The following GABRB3 variants were observed in gnomAD, a reference collection of about 807,000 sequenced individuals.
GABRB3 encodes gamma-aminobutyric acid receptor subunit beta-3.
In GABRB3, 14 loss-of-function variants were observed where a neutral mutation model predicts 52.1. That is an observed-to-expected ratio of 0.27 (90% CI 0.18 to 0.42). GABRB3 has a LOEUF of 0.42. Among genes scored for constraint, GABRB3 ranks in the 10% least tolerant of loss-of-function variants. The probability of loss-of-function intolerance (pLI) is 1.00; values close to 1 mark genes in which losing one functional copy is unlikely to be tolerated. For synonymous variants in GABRB3, 260 were observed against 232.3 expected, an observed-to-expected ratio of 1.12 and a Z score of -1.08; for missense variants, 307 against 609.1, an observed-to-expected ratio of 0.50 and a Z score of 5.22.
chr15:26,625,949 C>T (rs1892674559), intron 3 of GABRB3, among the ~76,000 whole-genome samples: 3 of 152,316 alleles, frequency 2.0e-5, no homozygotes, highest in East Asian at 1.9e-4. Flanking sequence ...ATTAGATACA[C>T]GCCTGCCTTA....
chr15:26,548,996 G>C (rs1263715506), intron 8 of GABRB3, among the ~76,000 whole-genome samples: 1 of 152,020 alleles, frequency 6.6e-6, no homozygotes, highest in Non-Finnish European at 1.5e-5. Flanking sequence ...CAGTCCCCTG[G>C]GCTTTCACTC....
At chr15:26,767,196 G>A (rs997823297) in intron 3 of GABRB3, 10 of 152,084 alleles carry the variant, frequency 6.6e-5, no homozygotes, top group Non-Finnish European at 2.9e-5. Context: ...CACACACCCT[G>A]GACCTTACCC....
chr15:26,625,613 AC>A lies in GABRB3; in HGVS notation c.241-4080del, dbSNP rs2140547386. On this transcript the variant is annotated intron_variant, in intron 3 of 8. Transcript: ENST00000311550. Reference sequence around the variant, plus strand: ...TAGCAGAGGGGACACTGGATTCCTCACAGAACATGAAATGGAAATTAAGCCT... The same window carrying A: ...TAGCAGAGGGGACACTGGATTCCTCAAGAACATGAAATGGAAATTAAGCCT... 3.6e-5 allele frequency: 9 copies of A among 252,620 alleles called. 1 individual carries two copies. Among genetic ancestry groups the A allele is most frequent in the Non-Finnish European group, 5.6e-5 (9 of 160,670 alleles). 15.6% of individuals were successfully genotyped at this position (252,620 alleles called of 1,614,324 possible). A position where few individuals can be genotyped will look rare whatever the true frequency, so the allele number is the denominator to read the frequency against.
intron 4 of GABRB3, among the ~76,000 whole-genome samples, chr15:26,589,244 C>T (rs984504756): frequency 6.6e-6 from 1 of 152,232 alleles, no homozygotes; most frequent in African/African-American, 2.4e-5. Flanking sequence ...ATACAAACTT[C>T]TCTTCATAAG....
chr15:26,572,132 T>C (rs1890427865), intron 6 of GABRB3, among the ~76,000 whole-genome samples: 1 of 151,270 alleles, frequency 6.6e-6, no homozygotes, highest in Non-Finnish European at 1.5e-5. Flanking sequence ...CACATCCTAG[T>C]CTCTGAGGTG....
intron 4 of GABRB3, among the ~76,000 whole-genome samples, chr15:26,607,311 A>G (rs1891874148): frequency 6.6e-6 from 1 of 152,194 alleles, no homozygotes; most frequent in Admixed American, 6.6e-5. Context: ...AAGAACTGAT[A>G]TAACTAATTT....
At chr15:26,745,851 T>C (rs897757423) in intron 3 of GABRB3, among the ~76,000 whole-genome samples, 1 of 152,206 alleles carries the variant, frequency 6.6e-6, no homozygotes, top group Non-Finnish European at 1.5e-5. Context: ...TGTTTAACGA[T>C]TCACAATTTT....
intron 2 of GABRB3, 96 bp downstream of exon 2, chr15:26,772,585 G>A: frequency 7.0e-7 from 1 of 1,422,226 alleles, no homozygotes; most frequent in Non-Finnish European, 9.5e-7. Flanking sequence ...ACTCCCACCC[G>A]CCGCTGCTCC....
chr15:26,665,520 T>C (rs1887683301), intron 3 of GABRB3, among the ~76,000 whole-genome samples: 1 of 152,240 alleles, frequency 6.6e-6, no homozygotes, highest in Non-Finnish European at 1.5e-5. Flanking sequence ...AACGTTTTCT[T>C]TTTGATATTT....
At chr15:26,587,659 G>C (rs1295248063) in intron 4 of GABRB3, among the ~76,000 whole-genome samples, 1 of 152,128 alleles carries the variant, frequency 6.6e-6, no homozygotes, top group Non-Finnish European at 1.5e-5. Context: ...CGTTAAGGTT[G>C]AGAAGGGTTA....
chr15:26,557,430 T>G (rs575877962), intron 8 of GABRB3, among the ~76,000 whole-genome samples: 1 of 152,138 alleles, frequency 6.6e-6, no homozygotes, highest in Non-Finnish European at 1.5e-5. Flanking sequence ...GCTAAGATGA[T>G]AGTTAAAAAA....
At chr15:26,706,437 G>GTT (rs142556737) in intron 3 of GABRB3, among the ~76,000 whole-genome samples, 478 of 148,702 alleles carry the variant, frequency 3.2e-3, no homozygotes, top group Middle Eastern at 0.011. Context: ...CAAATTGAGG[G>GTT]GTTTTTTTTT....
At chr15:26,756,670 CAT>C (rs975899012) in intron 3 of GABRB3, among the ~76,000 whole-genome samples, 17 of 151,808 alleles carry the variant, frequency 1.1e-4, no homozygotes, top group Admixed American at 5.3e-4. Context: ...TGTAATATCA[CAT>C]ATGTGTTATG....
chr15:26,622,250 T>G (rs1287473882), intron 3 of GABRB3, among the ~76,000 whole-genome samples: 1 of 152,082 alleles, frequency 6.6e-6, no homozygotes, highest in Admixed American at 6.6e-5. Flanking sequence ...GCCCACAAAA[T>G]TACCAAATAT....
At position 26,709,924 on chromosome 15, in the gene GABRB3, A is replaced by G. The variant is rs118051254; in HGVS notation, c.240+62478T>C. 2.2e-3 allele frequency among the ~76,000 whole-genome samples: 328 copies of G among 152,254 alleles called. 2 individuals carry two copies. Among genetic ancestry groups the G allele is most frequent in the Admixed American group, 4.1e-3 (62 of 15,302 alleles). On this transcript the variant is annotated intron_variant, in intron 3 of 8. Transcript: ENST00000311550. ...GTTTTAGAAAATTTCCATCACCCCAAGAAGTTTCCTCATGCATTTTTGCAG... is the reference window on the plus strand; with the variant it reads ...GTTTTAGAAAATTTCCATCACCCCAGGAAGTTTCCTCATGCATTTTTGCAG...
In GABRB3 at chr15:26,544,473, T is replaced by G. The variant is rs1308165714; in HGVS notation, c.*3320A>C. 1 of 152,392 alleles carries G rather than the reference T, an allele frequency of 6.6e-6. No homozygotes were observed. Among genetic ancestry groups the G allele is most frequent in the Non-Finnish European group, 1.5e-5 (1 of 68,058 alleles). 9.4% of individuals were successfully genotyped at this position (152,392 alleles called of 1,614,324 possible). A position where few individuals can be genotyped will look rare whatever the true frequency, so the allele number is the denominator to read the frequency against. ...CGTTAAAAACACAATATTGCAGATGTACAGGTAGCTTCCAAATCTAATGGA... is the reference window on the plus strand; with the variant it reads ...CGTTAAAAACACAATATTGCAGATGGACAGGTAGCTTCCAAATCTAATGGA... On this transcript the variant is annotated 3_prime_UTR_variant, in exon 9 of 9. Coordinates refer to ENST00000311550, the MANE Select transcript of GABRB3 (RefSeq NM_000814.6).
chr15:26,771,692 T>C (rs943937708), intron 3 of GABRB3: 6 of 152,206 alleles, frequency 3.9e-5, no homozygotes, highest in Non-Finnish European at 8.8e-5. Flanking sequence ...GGTCAGAATA[T>C]TGAATCCAGT....
intron 5 of GABRB3, chr15:26,580,785 T>A (rs762916803): frequency 2.5e-6 from 1 of 400,190 alleles, no homozygotes; most frequent in Non-Finnish European, 4.7e-6. Context: ...TCAACTGCAA[T>A]GAATAAGATA....
Position 26,621,180 on chromosome 15 carries a change from A to T in GABRB3, c.461+134T>A. On this transcript the variant is annotated intron_variant, in intron 4 of 8. Transcript: ENST00000311550. This position sits in a 1 kb window ranked among gnomAD's most constrained non-coding sequence, Gnocchi z 4.1. ...TGGTTATGAGATTTTTTTTTCTGCA[A>T]AGCTTTAGTGCTTCATAGATGCTTC... is the stretch of plus-strand genomic sequence containing the variant. 1 of 791,184 alleles carries T rather than the reference A, an allele frequency of 1.3e-6. No individual in the cohort carries two copies. The highest frequency in any genetic ancestry group is 2.2e-6 in the Non-Finnish European group (1 of 460,996). The allele number at this position is 791,184 out of a possible 1,614,324, so 49.0% of individuals were successfully genotyped here.
Sources: allele counts gnomAD v4.1 joint callset (sites outside exome capture counted in the v4.1 genomes callset), GRCh38; gene constraint gnomAD v4.1.1; non-coding constraint Gnocchi (gnomAD v3.1); transcripts MANE v1.5; gene names NCBI Gene and HGNC (gene_info 2026-07-23, HGNC 2026-07-21).